PRTN3: variants seen among roughly 807,000 people sequenced by gnomAD.
PRTN3 encodes the protein myeloblastin.
A neutral mutation model predicts 20.7 loss-of-function variants in PRTN3; 22 were observed. The observed-to-expected ratio is 1.06, with a 90% CI of 0.76 to 1.52. The LOEUF (loss-of-function observed/expected upper bound fraction) is 1.52, where lower values mean the gene tolerates loss of function less well. PRTN3 is among the 40% of genes most tolerant of loss of function. The pLI, the probability that PRTN3 is intolerant of heterozygous loss-of-function variation, is 0.00. For missense variants in PRTN3, 378 were observed against 359.6 expected (o/e 1.05, Z -0.41); for synonymous variants, 173 against 152.9 (o/e 1.13, Z -0.97).
intron 1 of PRTN3, among the ~76,000 whole-genome samples, chr19:841,782 C>G (rs1363627280): frequency 1.5e-5 from 2 of 132,862 alleles, no homozygotes; most frequent in Non-Finnish European, 3.2e-5. Flanking sequence ...GGCTGGAGTG[C>G]AGTGGCGCGA....
intron 4 of PRTN3, among the ~76,000 whole-genome samples, chr19:846,859 C>T (rs1023098112): frequency 6.6e-6 from 1 of 152,164 alleles, no homozygotes; most frequent in Non-Finnish European, 1.5e-5. Flanking sequence ...TCTCCTGCCT[C>T]AGCCTCCTGA....
Position 848,071 on chromosome 19 carries a change from CG to C in PRTN3, c.*105del. The C allele has an allele frequency of 2.1e-6, 3 of 1,402,012 alleles. No individual in the cohort carries two copies. The highest frequency in any genetic ancestry group is 2.9e-6 in the Non-Finnish European group (3 of 1,049,618). 86.8% of individuals were successfully genotyped at this position (1,402,012 alleles called of 1,614,324 possible). A position where few individuals can be genotyped will look rare whatever the true frequency, so the allele number is the denominator to read the frequency against. On this transcript the variant is annotated 3_prime_UTR_variant, in exon 5 of 5. Transcript: ENST00000234347. The stretch of plus-strand genomic sequence containing the variant: ...GCTCTTCCCCGAACACTGTGGCGTC[CG>C]GGACGGCCCCACCCGTCCCCCCACA...
intron 4 of PRTN3, 29 bp downstream of exon 4, chr19:846,406 C>T: frequency 6.5e-7 from 1 of 1,543,146 alleles, no homozygotes; most frequent in Non-Finnish European, 8.8e-7. Context: ...ACCCCGGGCA[C>T]CGGGCTGCCA....
At position 843,955 on chromosome 19, in the gene PRTN3, A is replaced by T. The variant is rs752654522; in HGVS notation, c.290A>T (p.Gln97Leu). ...AACGTGCGGACGCAGGAGCCCACCC[A>T]GCAGCACTTCTCGGTGGCTCAGGTG... ...AHNVRTQEPT[Q>L]QHFSVAQVFL... is the part of the protein sequence containing the mutation. The change falls in exon 3 of 5, where the codon CAG (glutamine) becomes CTG (leucine). Residue 97 changes from glutamine (Q) to leucine (L), a missense_variant. Gln to Leu is a moderately radical substitution (Grantham distance 113). Coordinates refer to ENST00000234347, the MANE Select transcript of PRTN3 (RefSeq NM_002777.4). 3 of 1,602,024 alleles carry T rather than the reference A, an allele frequency of 1.9e-6. No individual in the cohort carries two copies. The Admixed American group carries it at 5.1e-5, about 27-fold the overall frequency.
At chr19:844,222 G>GGCCGCT (rs2035485070) in intron 3 of PRTN3, among the ~76,000 whole-genome samples, 188 bp downstream of exon 3, 1 of 115,864 alleles carries the variant, frequency 8.6e-6, no homozygotes, top group African/African-American at 3.9e-5. Context: ...CCTCCTCCCC[G>GGCCGCT]CCTCTCCCCC....
Position 843,980 on chromosome 19 carries a change from G to A in PRTN3, c.315G>A (p.Val105=), listed in dbSNP as rs751258689. 2.5e-6 allele frequency: 4 copies of A among 1,605,448 alleles called. No homozygotes were observed. Among genetic ancestry groups the A allele is most frequent in the Admixed American group, 3.4e-5 (2 of 58,976 alleles). ...AGCAGCACTTCTCGGTGGCTCAGGTGTTTCTGAACAACTACGACGCGGAGA... is the reference window on the plus strand; with the variant it reads ...AGCAGCACTTCTCGGTGGCTCAGGTATTTCTGAACAACTACGACGCGGAGA... ...PTQQHFSVAQ[V]FLNNYDAENK... is the part of the protein sequence containing the mutation. Residue 105 remains valine, a synonymous_variant, in exon 3 of 5, where the codon GTG becomes GTA. Transcript: ENST00000234347.
Position 848,055 on chromosome 19 carries a change from C to T in PRTN3, c.*86C>T, listed in dbSNP as rs1244067283. 25 of 1,470,522 alleles carry T rather than the reference C, an allele frequency of 1.7e-5. No homozygotes were observed. Among genetic ancestry groups the T allele is most frequent in the South Asian group, 2.6e-5 (2 of 78,304 alleles). The allele number at this position is 1,470,522 out of a possible 1,614,324, so 91.1% of individuals were successfully genotyped here. On this transcript the variant is annotated 3_prime_UTR_variant, in exon 5 of 5. Coordinates refer to ENST00000234347, the MANE Select transcript of PRTN3 (RefSeq NM_002777.4). ...TCTTTGGACAGAAGCAGCTCTTCCC[C>T]GAACACTGTGGCGTCCGGGACGGCC...
At chr19:847,541 AAGAAAGAAAAAGAAAGAG>A (rs1568300987) in intron 4 of PRTN3, among the ~76,000 whole-genome samples, 2 of 134,760 alleles carry the variant, frequency 1.5e-5, no homozygotes, top group African/African-American at 6.0e-5. Context: ...GAAAGAAAGA[AAGAAAGAAAAAGAAAGAG>A]AGAGAGAGAG....
rs983520106 is a variant in PRTN3 at position 843,317 on chromosome 19, G to A, written c.62-144G>A. 3 of 820,202 alleles carry A rather than the reference G, an allele frequency of 3.7e-6. No homozygotes were observed. The East Asian group carries it at 8.9e-5, about 24-fold the overall frequency. 50.8% of individuals were successfully genotyped at this position (820,202 alleles called of 1,614,324 possible). On this transcript the variant is annotated intron_variant, in intron 1 of 4. Transcript: ENST00000234347. ...TAATTATAACCCCCCCGGCCTGGGCGCTGAGTCCTTCCCACCAGCCAGCAG... is the reference window on the plus strand; with the variant it reads ...TAATTATAACCCCCCCGGCCTGGGCACTGAGTCCTTCCCACCAGCCAGCAG...
intron 4 of PRTN3, among the ~76,000 whole-genome samples, chr19:847,293 C>A (rs1287286469): frequency 6.6e-6 from 1 of 151,846 alleles, no homozygotes; most frequent in African/African-American, 2.4e-5. Context: ...GAGAACAGAG[C>A]GAGACCCTGT....
intron 3 of PRTN3, 88 bp from the exon 4 acceptor site, chr19:846,059 T>C (rs1209418805): frequency 6.4e-6 from 6 of 930,876 alleles, no homozygotes; most frequent in South Asian, 2.1e-5. Flanking sequence ...TTTGAGGTGG[T>C]GGGTGTGGTG....
intron 3 of PRTN3, among the ~76,000 whole-genome samples, chr19:845,806 G>A (rs1036928559): frequency 6.6e-6 from 1 of 152,018 alleles, no homozygotes; most frequent in African/African-American, 2.4e-5. Flanking sequence ...CACTTTCGGA[G>A]GCTGAGGAAG....
At chr19:843,769 G>C (rs945873730) in intron 2 of PRTN3, 124 bp from the exon 3 acceptor site, 35 of 1,453,932 alleles carry the variant, frequency 2.4e-5, no homozygotes, top group Non-Finnish European at 3.1e-5. Context: ...GCAGTTCTGG[G>C]GGGAGGCCCG....
At chr19:847,447 AAAAC>A in intron 4 of PRTN3, among the ~76,000 whole-genome samples, 1 of 150,238 alleles carries the variant, frequency 6.7e-6, no homozygotes, top group East Asian at 1.9e-4. Flanking sequence ...AAACAAAACA[AAAAC>A]AAAACAAAAC....
chr19:847,866 G>C lies in PRTN3; in HGVS notation c.668G>C (p.Gly223Ala). 6.2e-7 allele frequency: 1 copy of C among 1,608,286 alleles called. No individual in the cohort carries two copies. The highest frequency in any genetic ancestry group is 8.5e-7 in the Non-Finnish European group (1 of 1,177,096). Residue 223 changes from glycine (G) to alanine (A), a missense_variant, in exon 5 of 5, where the codon GGA (glycine) becomes GCA (alanine). Gly to Ala is a moderately conservative substitution (Grantham distance 60, BLOSUM62 0). Transcript: ENST00000234347. Reference protein sequence around the residue: ...IQGIDSFVIWGCATRLFPDFF... With the variant: ...IQGIDSFVIWACATRLFPDFF... ...GGAATAGACTCCTTCGTGATCTGGG[G>C]ATGTGCCACCCGCCTTTTCCCTGAC... is the stretch of plus-strand genomic sequence containing the variant.
rs764314561 is a variant in PRTN3, at chr19:843,570, A to T, written c.171A>T (p.Gly57=). 1.2e-5 allele frequency: 19 copies of T among 1,602,750 alleles called. No homozygotes were observed. Among genetic ancestry groups the T allele is most frequent in the Non-Finnish European group, 1.6e-5 (19 of 1,177,710 alleles). ...GGAACCCGGGCAGCCACTTCTGCGG[A>T]GGCACCTTGATCCACCCCAGCTTCG... ...MRGNPGSHFC[G]GTLIHPSFVL... is the part of the protein sequence containing the mutation. Residue 57 remains glycine, a synonymous_variant, in exon 2 of 5, where the codon GGA becomes GGT. Coordinates refer to ENST00000234347, the MANE Select transcript of PRTN3 (RefSeq NM_002777.4).
rs200198205 is a variant in PRTN3, at chr19:846,366, G to C, written c.589G>C (p.Gly197Arg). Residue 197 changes from glycine (G) to arginine (R), a missense_variant, in exon 4 of 5, where the codon GGC (glycine) becomes CGC (arginine). By Grantham distance (125) the Gly-to-Arg change is moderately radical. Transcript: ENST00000234347. ...ICTFVPRRKA[G>R]ICFGDSGGPL... ...CACTTTCGTCCCTCGCCGCAAGGCCGGCATCTGCTTCGTAAGTAACCGTGC... is the reference window on the plus strand; with the variant it reads ...CACTTTCGTCCCTCGCCGCAAGGCCCGCATCTGCTTCGTAAGTAACCGTGC... 2.6e-6 allele frequency: 4 copies of C among 1,555,126 alleles called. No homozygotes were observed. The highest frequency in any genetic ancestry group is 3.5e-6 in the Non-Finnish European group (4 of 1,150,362).
rs950356866 is a variant in PRTN3, at chr19:848,093, C to A, written c.*124C>A. 6 of 1,226,670 alleles carry A rather than the reference C, an allele frequency of 4.9e-6. No homozygotes were observed. Among genetic ancestry groups the A allele is most frequent in the Non-Finnish European group, 6.7e-6 (6 of 900,210 alleles). The allele number at this position is 1,226,670 out of a possible 1,614,324, so 76.0% of individuals were successfully genotyped here. A position where few individuals can be genotyped will look rare whatever the true frequency, so the allele number is the denominator to read the frequency against. On this transcript the variant is annotated 3_prime_UTR_variant, in exon 5 of 5. Coordinates refer to ENST00000234347, the MANE Select transcript of PRTN3 (RefSeq NM_002777.4). ...GTCCGGGACGGCCCCACCCGTCCCC[C>A]CACACTCCCTCCCACGGGGCTCCGG...
At chr19:845,016 C>T (rs1402217463) in intron 3 of PRTN3, among the ~76,000 whole-genome samples, 3 of 148,610 alleles carry the variant, frequency 2.0e-5, no homozygotes, top group Non-Finnish European at 3.0e-5. Flanking sequence ...GGTGCAATCT[C>T]GGCTCACTGC....
Sources: allele counts gnomAD v4.1 joint callset (sites outside exome capture counted in the v4.1 genomes callset), GRCh38; gene constraint gnomAD v4.1.1; transcripts MANE v1.5; gene names NCBI Gene and HGNC (gene_info 2026-07-23, HGNC 2026-07-21).